Variants in JMJD1C observed in about 807,000 individuals in gnomAD.
JMJD1C encodes the protein jumonji domain containing 1C.
JMJD1C carries 31 observed loss-of-function variants against 245.3 expected under a neutral mutation model. The ratio of observed to expected loss-of-function variants is 0.13; its 90% confidence interval spans 0.09 to 0.17. The LOEUF (loss-of-function observed/expected upper bound fraction) is 0.17, where lower values mean the gene tolerates loss of function less well. JMJD1C is among the 10% of genes least tolerant of loss of function. The pLI is 1.00. For synonymous variants in JMJD1C, 1,057 were observed against 1,017.4 expected, an observed-to-expected ratio of 1.04 and a Z score of -0.74; for missense variants, 2,691 against 3,000.2, an observed-to-expected ratio of 0.90 and a Z score of 2.41.
At position 63,348,542 on chromosome 10, in the gene JMJD1C, C is replaced by T. The variant is rs141999966; in HGVS notation, c.333+31776G>A. 2.4e-3 allele frequency among the ~76,000 whole-genome samples: 365 copies of T among 152,294 alleles called. 3 individuals are homozygous for T. The South Asian group carries it at 0.029, about 12-fold the overall frequency. On this transcript the variant is annotated intron_variant, in intron 2 of 25. Coordinates refer to ENST00000399262, the MANE Select transcript of JMJD1C (RefSeq NM_032776.3). ...GTAAATCCATATGCAGGTCGCCTATCTCATGAGTCAAGTCACCTTATCTGC... is the reference window on the plus strand; with the variant it reads ...GTAAATCCATATGCAGGTCGCCTATTTCATGAGTCAAGTCACCTTATCTGC...
rs551961805 is a variant in JMJD1C at position 63,401,756 on chromosome 10, T to C, written c.169-21274A>G. Among the ~76,000 whole-genome samples, 51 of 152,166 alleles carry C rather than the reference T, an allele frequency of 3.4e-4. 1 individual carries two copies. The highest frequency in any genetic ancestry group is 1.1e-3 in the African/African-American group (46 of 41,468). On this transcript the variant is annotated intron_variant, in intron 1 of 25. Coordinates refer to ENST00000399262, the MANE Select transcript of JMJD1C (RefSeq NM_032776.3). ...TTCGTATGTGGAAACCTAGTCATCA[T>C]TGGGATGGTATGAAGAAGTGGGGCG...
At chr10:63,356,017 G>A (rs1340630962) in intron 2 of JMJD1C, among the ~76,000 whole-genome samples, 1 of 152,152 alleles carries the variant, frequency 6.6e-6, no homozygotes, top group Non-Finnish European at 1.5e-5. Context: ...AGGACTTCTT[G>A]TAGTCCAATG....
At chr10:63,279,199 A>G (rs1172728807) in intron 2 of JMJD1C, among the ~76,000 whole-genome samples, 3 of 151,484 alleles carry the variant, frequency 2.0e-5, no homozygotes, top group East Asian at 2.0e-4. Context: ...GCAGTGAGCT[A>G]AGACGGTGCC....
intron 1 of JMJD1C, among the ~76,000 whole-genome samples, chr10:63,398,893 T>C (rs1038975731): frequency 6.6e-6 from 1 of 152,200 alleles, no homozygotes; most frequent in African/African-American, 2.4e-5. Flanking sequence ...GTGATTCACA[T>C]GCTTTGGCCT....
In JMJD1C at chr10:63,208,366, C is replaced by T. The variant is rs771035963; in HGVS notation, c.3303G>A (p.Val1101=). ...GGTATGATCTTGGTGGTTCATTGAC[C>T]ACACTATTAGACAATGTAGTGAAAT... is the stretch of plus-strand genomic sequence containing the variant. ...SNYFTTLSNS[V]VNEPPRSYPS... The change falls in exon 10 of 26, where the codon GTG becomes GTA. Residue 1101 remains valine, a synonymous_variant. Coordinates refer to ENST00000399262, the MANE Select transcript of JMJD1C (RefSeq NM_032776.3). The T allele has an allele frequency of 1.1e-5, 18 of 1,613,330 alleles. No individual in the cohort carries two copies. The highest frequency in any genetic ancestry group is 1.5e-5 in the Non-Finnish European group (18 of 1,179,458).
At chr10:63,384,538 A>G (rs1006238518) in intron 1 of JMJD1C, among the ~76,000 whole-genome samples, 1 of 152,190 alleles carries the variant, frequency 6.6e-6, no homozygotes, top group Non-Finnish European at 1.5e-5. Context: ...ATGAGAAGTA[A>G]TACTTTGAAA....
intron 3 of JMJD1C, among the ~76,000 whole-genome samples, chr10:63,220,608 C>T (rs541445909): frequency 8.5e-5 from 13 of 152,266 alleles, no homozygotes; most frequent in African/African-American, 3.1e-4. Flanking sequence ...ATAGAAACAA[C>T]CAATTCTCTC....
At chr10:63,475,838 A>T (rs1953643786) in intron 1 of JMJD1C, among the ~76,000 whole-genome samples, 1 of 152,232 alleles carries the variant, frequency 6.6e-6, no homozygotes, top group African/African-American at 2.4e-5. Context: ...CTAACAGGTA[A>T]ACATGAAGTA....
At chr10:63,288,544 T>C (rs779533429) in intron 2 of JMJD1C, among the ~76,000 whole-genome samples, 2 of 152,212 alleles carry the variant, frequency 1.3e-5, no homozygotes, top group African/African-American at 2.4e-5. Context: ...GTCTAATCTG[T>C]TCATGTCTTT....
intron 1 of JMJD1C, among the ~76,000 whole-genome samples, chr10:63,454,102 T>C (rs776431771): frequency 4.6e-5 from 7 of 152,162 alleles, no homozygotes; most frequent in Non-Finnish European, 7.3e-5. Context: ...TTTTAATGGT[T>C]ACTACAGAAT....
chr10:63,448,643 G>C (rs1482795488), intron 1 of JMJD1C, among the ~76,000 whole-genome samples: 1 of 152,214 alleles, frequency 6.6e-6, no homozygotes, highest in Non-Finnish European at 1.5e-5. Context: ...CCTTGCTAAA[G>C]TATAGTGTTC....
intron 10 of JMJD1C, chr10:63,202,135 T>C (rs553531242): frequency 3.5e-5 from 7 of 201,340 alleles, no homozygotes; most frequent in African/African-American, 1.4e-4. Flanking sequence ...GCACCTGTAA[T>C]TCCAGCTACT....
At chr10:63,327,649 T>C (rs1941669049) in intron 2 of JMJD1C, among the ~76,000 whole-genome samples, 1 of 150,830 alleles carries the variant, frequency 6.6e-6, no homozygotes, top group African/African-American at 2.4e-5. Flanking sequence ...TTAAGGATAC[T>C]GTATCAAGGG....
chr10:63,169,270 G>T (rs1842129047), intron 24 of JMJD1C, among the ~76,000 whole-genome samples: 1 of 152,064 alleles, frequency 6.6e-6, no homozygotes, highest in Non-Finnish European at 1.5e-5. Context: ...TATTTGTTCA[G>T]CATTTACAAA....
chr10:63,328,279 GA>G (rs770526872), intron 2 of JMJD1C, among the ~76,000 whole-genome samples: 55 of 125,512 alleles, frequency 4.4e-4, no homozygotes, highest in African/African-American at 4.6e-4. Context: ...CCATCTCAAA[GA>G]AAAAAAAAAA....
At chr10:63,264,008 A>AC (rs1855204716) in intron 3 of JMJD1C, among the ~76,000 whole-genome samples, 1 of 144,756 alleles carries the variant, frequency 6.9e-6, no homozygotes, top group Non-Finnish European at 1.5e-5. Flanking sequence ...ACACACACAC[A>AC]ATTCTGTGAG....
intron 3 of JMJD1C, among the ~76,000 whole-genome samples, chr10:63,250,431 C>T (rs750329717): frequency 1.4e-4 from 21 of 152,094 alleles, no homozygotes; most frequent in Admixed American, 1.2e-3. Context: ...AGCAGTTCAA[C>T]GCTCATTTAT....
intron 1 of JMJD1C, among the ~76,000 whole-genome samples, chr10:63,451,167 G>T (rs1324443069): frequency 6.6e-6 from 1 of 152,156 alleles, no homozygotes; most frequent in East Asian, 1.9e-4. Flanking sequence ...TGTGTTTGTG[G>T]ATCAGAAAAT....
chr10:63,266,988 T>TA (rs562265942), intron 2 of JMJD1C, among the ~76,000 whole-genome samples: 130 of 152,070 alleles, frequency 8.5e-4, no homozygotes, highest in Non-Finnish European at 1.5e-3. Flanking sequence ...ATTTCTAAGC[T>TA]AAAAAAATTC....
Sources: gnomAD v4.1 joint callset for allele counts (sites outside exome capture counted in the v4.1 genomes callset) on GRCh38, gnomAD v4.1.1 for gene constraint, MANE v1.5 for transcripts, NCBI Gene and HGNC (gene_info 2026-07-23, HGNC 2026-07-21) for gene names.